Variants in NDUFAF6 observed in about 807,000 individuals in gnomAD.
NDUFAF6 encodes NADH:ubiquinone oxidoreductase complex assembly factor 6.
Under a neutral mutation model 40.8 loss-of-function variants are expected in NDUFAF6, and 45 were observed. The observed-to-expected ratio is 1.10, with a 90% CI of 0.87 to 1.42. NDUFAF6 has a LOEUF of 1.42. Ranked by LOEUF, NDUFAF6 falls within the 40% of genes most tolerant of loss-of-function variation. The probability of loss-of-function intolerance (pLI) is 0.00; values close to 1 mark genes in which losing one functional copy is unlikely to be tolerated. For missense variants in NDUFAF6, 435 were observed against 418.5 expected (o/e 1.04, Z -0.34); for synonymous variants, 185 against 155.9 (o/e 1.19, Z -1.39).
chr8:95,059,082 T>C (rs1280889972), downstream of NDUFAF6, among the ~76,000 whole-genome samples: 4 of 152,090 alleles, frequency 2.6e-5, no homozygotes, highest in Non-Finnish European at 4.4e-5. Context: ...TTTTAGAAAA[T>C]GCATCCCAAT....
At chr8:95,096,680 A>G (rs1282413805), upstream of NDUFAF6, among the ~76,000 whole-genome samples, 3 of 152,234 alleles carry the variant, frequency 2.0e-5, no homozygotes, top group South Asian at 2.1e-4. Flanking sequence ...ATTAAAAACT[A>G]TGAACATCTT....
At chr8:95,040,448 T>A (rs1469345515) in intron 3 of NDUFAF6, among the ~76,000 whole-genome samples, 1 of 152,242 alleles carries the variant, frequency 6.6e-6, no homozygotes, top group Non-Finnish European at 1.5e-5. Flanking sequence ...AATATCCTGC[T>A]CCTCATCAAA....
At chr8:95,097,704 T>TAAATA (rs556721470), upstream of NDUFAF6, among the ~76,000 whole-genome samples, 171 of 152,200 alleles carry the variant, frequency 1.1e-3, 1 homozygote, top group African/African-American at 3.1e-3. Context: ...CATCTCAAAA[T>TAAATA]AAATAAAATA....
chr8:95,024,915 G>C (rs1036020106), upstream of NDUFAF6: 4 of 1,111,992 alleles, frequency 3.6e-6, no homozygotes, highest in African/African-American at 4.9e-5. Context: ...GCCTTCCCGC[G>C]ACTCAAAGGA....
intron 2 of NDUFAF6, chr8:94,951,094 A>C (rs1427152136): frequency 1.3e-5 from 2 of 152,266 alleles, no homozygotes; most frequent in Non-Finnish European, 2.9e-5. Context: ...CCTCGTCATT[A>C]AGCAAAAGCA....
At chr8:95,044,402 A>C (rs1420180709) in intron 4 of NDUFAF6, 1 of 151,678 alleles carries the variant, frequency 6.6e-6, no homozygotes, top group Non-Finnish European at 1.5e-5. Flanking sequence ...CTCAAAAAAA[A>C]CCATAAAGGA....
chr8:94,990,656 A>C lies in NDUFAF6; in HGVS notation c.-84+9683A>C, dbSNP rs1826151840. ...CTTTAGGACCTGGACTACCCAGAGC[A>C]ACAGCTACTGCATTCAAGGCTGGAA... is the stretch of plus-strand genomic sequence containing the variant. On this transcript the variant is annotated intron_variant, in intron 2 of 9. Coordinates refer to the NDUFAF6 transcript ENST00000396111. Among the ~76,000 whole-genome samples, 5 of 152,254 alleles carry C rather than the reference A, an allele frequency of 3.3e-5. No homozygotes were observed. The South Asian group carries it at 1.0e-3, about 31-fold the overall frequency.
chr8:95,099,351 GA>G (rs1467222665), upstream of NDUFAF6, among the ~76,000 whole-genome samples: 1 of 137,804 alleles, frequency 7.3e-6, no homozygotes, highest in Non-Finnish European at 1.6e-5. Flanking sequence ...AAAAAAAAAA[GA>G]AAAGAAAAAA....
chr8:95,059,904 T>C (rs964438296), downstream of NDUFAF6, among the ~76,000 whole-genome samples: 1 of 151,940 alleles, frequency 6.6e-6, no homozygotes, highest in Non-Finnish European at 1.5e-5. Context: ...CCTCTTGGGA[T>C]TCTGAGTGAT....
At chr8:94,901,088 A>G (rs1022246731) in intron 1 of NDUFAF6, among the ~76,000 whole-genome samples, 5 of 152,182 alleles carry the variant, frequency 3.3e-5, no homozygotes, top group African/African-American at 1.2e-4. Context: ...GAGACATTTG[A>G]GCAGAGAACT....
chr8:95,041,653 G>A (rs1468469606), intron 4 of NDUFAF6, 27 bp downstream of exon 4: 7 of 1,572,404 alleles, frequency 4.5e-6, no homozygotes, highest in Non-Finnish European at 6.1e-6. Flanking sequence ...CAAGTCTTAA[G>A]TTTTTTCTTC....
chr8:94,896,288 G>A (rs1817557705), intron 1 of NDUFAF6, among the ~76,000 whole-genome samples: 1 of 148,530 alleles, frequency 6.7e-6, no homozygotes, highest in Admixed American at 6.7e-5. Flanking sequence ...CGCCGCCAGC[G>A]CGCCCTGCGG....
chr8:94,916,059 A>G (rs1819102973), intron 1 of NDUFAF6, among the ~76,000 whole-genome samples: 1 of 152,214 alleles, frequency 6.6e-6, no homozygotes, highest in Admixed American at 6.5e-5. Flanking sequence ...AGTTATGGTC[A>G]GTGCAATTTA....
At chr8:94,931,968 T>C in intron 1 of NDUFAF6, 1 of 1,189,876 alleles carries the variant, frequency 8.4e-7, no homozygotes, top group East Asian at 2.6e-5. Flanking sequence ...TGAGACTCCA[T>C]CTCAAAAAAA....
At chr8:95,022,391 A>G (rs1419750588), upstream of NDUFAF6, among the ~76,000 whole-genome samples, 1 of 151,840 alleles carries the variant, frequency 6.6e-6, no homozygotes, top group African/African-American at 2.4e-5. Flanking sequence ...CGCAATAGTT[A>G]AAAGAGTTTA....
At chr8:94,994,591 T>C (rs1374324224) in intron 2 of NDUFAF6, among the ~76,000 whole-genome samples, 1 of 151,758 alleles carries the variant, frequency 6.6e-6, no homozygotes, top group Non-Finnish European at 1.5e-5. Flanking sequence ...TCCAGCACTT[T>C]GGGAAGCCAG....
At chr8:94,981,078 C>CA in intron 2 of NDUFAF6, 4 of 422,548 alleles carry the variant, frequency 9.5e-6, no homozygotes, top group South Asian at 3.5e-5. Flanking sequence ...CCACAAAACT[C>CA]ACGTTGAGGC....
At chr8:95,035,747 C>G (rs995056708) in intron 3 of NDUFAF6, among the ~76,000 whole-genome samples, 171 bp downstream of exon 3, 2 of 152,198 alleles carry the variant, frequency 1.3e-5, no homozygotes, top group Admixed American at 1.3e-4. Flanking sequence ...AAATCACCCA[C>G]TGATAATTTA....
chr8:94,954,100 G>C (rs955765323), upstream of NDUFAF6, among the ~76,000 whole-genome samples: 1 of 152,048 alleles, frequency 6.6e-6, no homozygotes, highest in African/African-American at 2.4e-5. Context: ...ATCTCGCTTC[G>C]TCGCCAGGCT....
Sources: allele counts gnomAD v4.1 joint callset (sites outside exome capture counted in the v4.1 genomes callset), GRCh38; gene constraint gnomAD v4.1.1; transcripts MANE v1.5; gene names NCBI Gene and HGNC (gene_info 2026-07-23, HGNC 2026-07-21).